Variants in KIF6 observed in about 807,000 individuals in gnomAD.
KIF6 encodes the protein kinesin family member 6, also known as kinesin-like protein KIF6.
Under a neutral mutation model 112.7 loss-of-function variants are expected in KIF6, and 106 were observed. The ratio of observed to expected loss-of-function variants is 0.94; its 90% CI spans 0.80 to 1.11. The LOEUF is 1.11. Among genes scored for constraint, KIF6 ranks in the 50% least tolerant of loss-of-function variants. The pLI is 0.00. For missense variants in KIF6, 929 were observed against 964.0 expected, an observed-to-expected ratio of 0.96 and a Z score of 0.48; for synonymous variants, 339 against 339.9, an observed-to-expected ratio of 1.00 and a Z score of 0.03.
At chr6:39,551,133 A>G (rs924075054) in intron 10 of KIF6, among the ~76,000 whole-genome samples, 3 of 152,230 alleles carry the variant, frequency 2.0e-5, no homozygotes, top group Admixed American at 2.0e-4. Context: ...TGGATTGTAC[A>G]GCAGTTCTAG....
At chr6:39,650,631 C>A (rs1785420804) in intron 3 of KIF6, among the ~76,000 whole-genome samples, 2 of 151,724 alleles carry the variant, frequency 1.3e-5, no homozygotes, top group Admixed American at 6.6e-5. Flanking sequence ...AGAATAAACA[C>A]TTAGATTAAT....
chr6:39,702,503 A>T (rs886081220), intron 3 of KIF6, among the ~76,000 whole-genome samples: 1 of 152,222 alleles, frequency 6.6e-6, no homozygotes, highest in African/African-American at 2.4e-5. Context: ...CAATGACATA[A>T]TTGGATGCTT....
At chr6:39,617,869 T>C in intron 5 of KIF6, 1 of 398,144 alleles carries the variant, frequency 2.5e-6, no homozygotes, top group Non-Finnish European at 5.2e-6. Context: ...GTTGTAAACA[T>C]AGTCCCAACA....
intron 18 of KIF6, among the ~76,000 whole-genome samples, chr6:39,358,666 T>C (rs1469088240): frequency 6.6e-6 from 1 of 152,182 alleles, no homozygotes; most frequent in Non-Finnish European, 1.5e-5. Context: ...GCTCTTAACC[T>C]GGAGTCCACA....
At chr6:39,556,061 C>T (rs1328387) in intron 10 of KIF6, among the ~76,000 whole-genome samples, 79,260 of 151,770 alleles carry the variant, frequency 0.52, 23,594 homozygotes, top group African/African-American at 0.82. Context: ...TTTGTACATG[C>T]CCAAGTGAGT....
intron 6 of KIF6, among the ~76,000 whole-genome samples, chr6:39,600,053 G>A (rs548830912): frequency 5.3e-5 from 8 of 152,232 alleles, no homozygotes; most frequent in South Asian, 2.1e-4. Context: ...TTCTTTATGT[G>A]GAGCTTTTTA....
At chr6:39,692,278 T>C (rs1441087991) in intron 3 of KIF6, among the ~76,000 whole-genome samples, 1 of 152,202 alleles carries the variant, frequency 6.6e-6, no homozygotes, top group Non-Finnish European at 1.5e-5. Flanking sequence ...CAAACCTGTC[T>C]CCCCTGCCCT....
At chr6:39,408,501 T>A (rs1769246625) in intron 15 of KIF6, among the ~76,000 whole-genome samples, 1 of 152,212 alleles carries the variant, frequency 6.6e-6, no homozygotes, top group Non-Finnish European at 1.5e-5. Flanking sequence ...ATAGTTTATT[T>A]CACCATAAAA....
At chr6:39,553,360 A>C (rs1287283684) in intron 10 of KIF6, among the ~76,000 whole-genome samples, 1 of 152,240 alleles carries the variant, frequency 6.6e-6, no homozygotes, top group African/African-American at 2.4e-5. Flanking sequence ...ACAAAAGCAC[A>C]GTCATGTAGT....
chr6:39,377,988 C>T (rs1264868440), intron 16 of KIF6, among the ~76,000 whole-genome samples: 3 of 152,086 alleles, frequency 2.0e-5, no homozygotes, highest in Non-Finnish European at 4.4e-5. Flanking sequence ...CTCAGCCATC[C>T]TTTGGAACTT....
intron 19 of KIF6, among the ~76,000 whole-genome samples, chr6:39,352,550 A>G (rs1397456858): frequency 6.6e-6 from 1 of 151,684 alleles, no homozygotes; most frequent in Non-Finnish European, 1.5e-5. Context: ...TCATATGAGC[A>G]TCTTTCACTA....
intron 13 of KIF6, among the ~76,000 whole-genome samples, chr6:39,485,322 T>C (rs1775049068): frequency 6.6e-6 from 1 of 152,192 alleles, no homozygotes; most frequent in African/African-American, 2.4e-5. Flanking sequence ...CAGCTTCTTA[T>C]CAGCAAGATT....
intron 3 of KIF6, among the ~76,000 whole-genome samples, chr6:39,699,062 T>C (rs1788716222): frequency 1.3e-5 from 2 of 152,206 alleles, no homozygotes; most frequent in South Asian, 4.1e-4. Context: ...GTATTTACTA[T>C]GGGCTGGCAC....
At chr6:39,392,411 A>C (rs1479467741) in intron 15 of KIF6, among the ~76,000 whole-genome samples, 3 of 152,210 alleles carry the variant, frequency 2.0e-5, no homozygotes, top group East Asian at 3.9e-4. Context: ...GCAGATTTGC[A>C]TAATTAATTT....
At chr6:39,503,164 A>T (rs1402610940) in intron 13 of KIF6, among the ~76,000 whole-genome samples, 1 of 152,226 alleles carries the variant, frequency 6.6e-6, no homozygotes, top group Non-Finnish European at 1.5e-5. Flanking sequence ...GCACAATCAA[A>T]TTAGAACTCA....
intron 3 of KIF6, among the ~76,000 whole-genome samples, chr6:39,714,183 G>A (rs1316143712): frequency 2.0e-5 from 3 of 152,162 alleles, no homozygotes; most frequent in African/African-American, 7.2e-5. Flanking sequence ...GTAGTCAGCA[G>A]CCTAGAATTA....
At chr6:39,475,817 C>T (rs1482797652) in intron 13 of KIF6, among the ~76,000 whole-genome samples, 1 of 152,156 alleles carries the variant, frequency 6.6e-6, no homozygotes, top group African/African-American at 2.4e-5. Context: ...AGCCACAGCT[C>T]AGCTTCAGCA....
intron 2 of KIF6, among the ~76,000 whole-genome samples, chr6:39,717,410 G>A (rs923758406): frequency 6.6e-6 from 1 of 152,136 alleles, no homozygotes; most frequent in African/African-American, 2.4e-5. Flanking sequence ...TGGCCTGAAA[G>A]TCTCATCCCT....
intron 13 of KIF6, among the ~76,000 whole-genome samples, chr6:39,486,269 G>C (rs1317622985): frequency 6.6e-6 from 1 of 152,128 alleles, no homozygotes; most frequent in Non-Finnish European, 1.5e-5. Flanking sequence ...CCATGTAAAT[G>C]GTCTGACTAC....
Sources: allele counts gnomAD v4.1 joint callset (sites outside exome capture counted in the v4.1 genomes callset), GRCh38; gene constraint gnomAD v4.1.1; transcripts MANE v1.5; gene names NCBI Gene and HGNC (gene_info 2026-07-23, HGNC 2026-07-21).